SCRG1: variants seen among roughly 807,000 people sequenced by gnomAD.
SCRG1 encodes stimulator of chondrogenesis 1.
A neutral mutation model predicts 7.7 loss-of-function variants in SCRG1; 3 were observed. That is an observed-to-expected ratio of 0.39 (90% CI 0.18 to 1.01). SCRG1 has a LOEUF of 1.01. Ranked by LOEUF, SCRG1 falls within the 50% of genes least tolerant of loss-of-function variation. The pLI is 0.36. For synonymous variants in SCRG1, 46 were observed against 41.2 expected, an observed-to-expected ratio of 1.12 and a Z score of -0.44; for missense variants, 110 against 117.2, an observed-to-expected ratio of 0.94 and a Z score of 0.28.
At chr4:173,475,443 C>G in the SCRG1 span, among the ~76,000 whole-genome samples, 2 of 152,190 alleles carry the variant, frequency 1.3e-5, no homozygotes, top group African/African-American at 4.8e-5. Flanking sequence ...CCTGTTAAAA[C>G]TTACTGGAAG....
chr4:173,471,793 TC>T, the SCRG1 span, among the ~76,000 whole-genome samples: 3 of 152,214 alleles, frequency 2.0e-5, no homozygotes, highest in Non-Finnish European at 4.4e-5. Flanking sequence ...CACCGCAACC[TC>T]CGCCTCCTGG....
At chr4:173,501,928 A>T in the SCRG1 span, among the ~76,000 whole-genome samples, 7 of 152,044 alleles carry the variant, frequency 4.6e-5, no homozygotes, top group Non-Finnish European at 1.0e-4. This position sits in a 1 kb window ranked among gnomAD's most constrained non-coding sequence, Gnocchi z 5.1. Context: ...TTGTCTCAGC[A>T]CCTACTTTGT....
At chr4:173,485,069 T>TCA in the SCRG1 span, among the ~76,000 whole-genome samples, 1 of 4,614 alleles carries the variant, frequency 2.2e-4, no homozygotes, top group Non-Finnish European at 5.9e-4. Flanking sequence ...ATATTATATA[T>TCA]TATATATTAT....
At chr4:173,456,852 T>G in the SCRG1 span, among the ~76,000 whole-genome samples, 1 of 152,144 alleles carries the variant, frequency 6.6e-6, no homozygotes, top group Non-Finnish European at 1.5e-5. Flanking sequence ...TAACTTCCCT[T>G]CTTTCTGCTT....
chr4:173,417,040 C>T, the SCRG1 span, among the ~76,000 whole-genome samples: 1 of 150,828 alleles, frequency 6.6e-6, no homozygotes, highest in Non-Finnish European at 1.5e-5. Context: ...TCTTCACACA[C>T]ACCCCACACA....
the SCRG1 span, among the ~76,000 whole-genome samples, chr4:173,508,935 G>T: frequency 1.3e-5 from 2 of 152,222 alleles, no homozygotes; most frequent in Non-Finnish European, 2.9e-5. This position sits in a 1 kb window ranked among gnomAD's most constrained non-coding sequence, Gnocchi z 4.4. Flanking sequence ...GTTTCTGCTT[G>T]CAGGGCCGGG....
the SCRG1 span, among the ~76,000 whole-genome samples, chr4:173,449,811 G>C: frequency 2.0e-5 from 3 of 152,142 alleles, no homozygotes; most frequent in Non-Finnish European, 2.9e-5. Flanking sequence ...AAACATCTTA[G>C]GTGCTGAGAT....
At chr4:173,454,506 T>A in the SCRG1 span, among the ~76,000 whole-genome samples, 3 of 152,210 alleles carry the variant, frequency 2.0e-5, no homozygotes, top group African/African-American at 7.2e-5. Context: ...TTTATTTTCT[T>A]CACTAAAGAG....
the SCRG1 span, among the ~76,000 whole-genome samples, chr4:173,423,070 A>C: frequency 1.8e-3 from 273 of 152,300 alleles, 4 homozygotes; most frequent in Admixed American, 0.013. Context: ...TCTCCATAAA[A>C]TAATTGGGAA....
chr4:173,473,354 ATCTCTTTTCTC>A, the SCRG1 span, among the ~76,000 whole-genome samples: 47,571 of 149,116 alleles, frequency 0.32, 7,663 homozygotes, highest in South Asian at 0.47. Context: ...CCTCTTTTCT[ATCTCTTTTCTC>A]AATCTACGAA....
chr4:173,403,539 G>A (rs1739817845), upstream of SCRG1, among the ~76,000 whole-genome samples: 2 of 152,146 alleles, frequency 1.3e-5, no homozygotes, highest in Non-Finnish European at 2.9e-5. Context: ...GGTTACTCAT[G>A]TAACCATGAG....
the SCRG1 span, among the ~76,000 whole-genome samples, chr4:173,483,025 T>A: frequency 7.7e-6 from 1 of 129,208 alleles, no homozygotes; most frequent in African/African-American, 3.0e-5. Context: ...ATAATTTATA[T>A]GTAATATATT....
chr4:173,519,036 CGAACAG>C, the SCRG1 span, among the ~76,000 whole-genome samples: 1 of 151,482 alleles, frequency 6.6e-6, no homozygotes, highest in Admixed American at 6.6e-5. Context: ...GTGAGCTAGG[CGAACAG>C]GAACCCCCAG....
At chr4:173,410,353 C>T (rs556441096), upstream of SCRG1, among the ~76,000 whole-genome samples, 1 of 152,252 alleles carries the variant, frequency 6.6e-6, no homozygotes, top group Non-Finnish European at 1.5e-5. Context: ...CACAGTGCTA[C>T]CCTGCTGCCT....
the SCRG1 span, among the ~76,000 whole-genome samples, chr4:173,484,444 ATATAATATATATTAT>A: frequency 4.3e-5 from 1 of 23,356 alleles, no homozygotes; most frequent in Non-Finnish European, 9.5e-5. Context: ...TACATATGAT[ATATAATATATATTAT>A]ATACATATAA....
upstream of SCRG1, among the ~76,000 whole-genome samples, chr4:173,407,798 C>T (rs1215933010): frequency 6.6e-6 from 1 of 152,036 alleles, no homozygotes; most frequent in Admixed American, 6.5e-5. Flanking sequence ...AATAAGATAA[C>T]TTTAGGGCAG....
At chr4:173,506,776 G>C in the SCRG1 span, among the ~76,000 whole-genome samples, 34 of 152,276 alleles carry the variant, frequency 2.2e-4, no homozygotes, top group South Asian at 6.8e-3. The surrounding 1 kb of genome is among the most constrained non-coding windows in gnomAD (Gnocchi z 5.3). Flanking sequence ...GACTCGCGAG[G>C]TTTTCCAGCA....
the SCRG1 span, among the ~76,000 whole-genome samples, chr4:173,428,986 T>TA: frequency 2.6e-5 from 4 of 152,326 alleles, no homozygotes; most frequent in African/African-American, 9.6e-5. Context: ...AGTATACTTT[T>TA]AAAAAATGTA....
the SCRG1 span, among the ~76,000 whole-genome samples, chr4:173,475,865 TATAGGA>T: frequency 6.6e-6 from 1 of 152,062 alleles, no homozygotes; most frequent in African/African-American, 2.4e-5. Flanking sequence ...TAACTCCACT[TATAGGA>T]ATAGAAAGTA....
Sources: allele counts gnomAD v4.1 joint callset (sites outside exome capture counted in the v4.1 genomes callset), GRCh38; gene constraint gnomAD v4.1.1; non-coding constraint Gnocchi (gnomAD v3.1); transcripts MANE v1.5; gene names NCBI Gene and HGNC (gene_info 2026-07-23, HGNC 2026-07-21).